The following UGGT2 variants were observed in gnomAD, a reference collection of about 807,000 sequenced individuals.
UGGT2 encodes UDP-glucose:glycoprotein glucosyltransferase 2.
Under a neutral mutation model 192.1 loss-of-function variants are expected in UGGT2, and 180 were observed. The observed-to-expected ratio is 0.94, with a 90% CI of 0.83 to 1.06. The LOEUF (loss-of-function observed/expected upper bound fraction) is 1.06, where lower values mean the gene tolerates loss of function less well. UGGT2 is among the 50% of genes least tolerant of loss of function. The pLI is 0.00. For missense variants in UGGT2, 1,849 were observed against 1,795.7 expected (o/e 1.03, Z -0.54); for synonymous variants, 580 against 591.0 (o/e 0.98, Z 0.27).
intron 37 of UGGT2, among the ~76,000 whole-genome samples, 193 bp downstream of exon 37, chr13:95,836,892 AT>A (rs1216682948): frequency 6.6e-6 from 1 of 152,254 alleles, no homozygotes; most frequent in African/African-American, 2.4e-5. Flanking sequence ...TTAGTGAATC[AT>A]CAAACCTCAG....
intron 32 of UGGT2, 27 bp from the exon 33 acceptor site, chr13:95,859,702 A>T (rs1311750485): frequency 6.6e-7 from 1 of 1,508,186 alleles, no homozygotes; most frequent in Admixed American, 1.9e-5. Flanking sequence ...TAAACCCAAT[A>T]TACATTAACA....
In UGGT2 at chr13:95,937,051, G is replaced by A. The variant is rs779606118; in HGVS notation, c.1850C>T (p.Pro617Leu). Reference sequence around the variant, plus strand: ...ACCATTATAAAGAGCTTGAGGCAAAGGACCCAGGCCAGTCATCTTATAAAA... The same window carrying A: ...ACCATTATAAAGAGCTTGAGGCAAAAGACCCAGGCCAGTCATCTTATAAAA... ...ASFYKMTGLG[P>L]LPQALYNGEP... Residue 617 changes from proline to leucine, a missense_variant, in exon 17 of 39, where the codon CCT (proline) becomes CTT (leucine). Coordinates refer to ENST00000376747, the MANE Select transcript of UGGT2 (RefSeq NM_020121.4). 6.2e-7 allele frequency: 1 copy of A among 1,603,000 alleles called. No individual in the cohort carries two copies. Among genetic ancestry groups the A allele is most frequent in the Non-Finnish European group, 8.5e-7 (1 of 1,177,682 alleles).
chr13:95,862,135 T>C (rs1448913734), intron 31 of UGGT2, among the ~76,000 whole-genome samples: 8 of 152,132 alleles, frequency 5.3e-5, no homozygotes, highest in Admixed American at 5.2e-4. Flanking sequence ...GTGGACTTGA[T>C]CCTTTCTCTA....
intron 4 of UGGT2, among the ~76,000 whole-genome samples, chr13:96,017,199 T>C (rs1268053114): frequency 1.3e-5 from 2 of 152,186 alleles, no homozygotes; most frequent in African/African-American, 4.8e-5. Flanking sequence ...ACTTAGGACA[T>C]TGGACTTGAT....
chr13:95,878,005 A>T, intron 27 of UGGT2, 149 bp from the exon 28 acceptor site: 2 of 790,874 alleles, frequency 2.5e-6, no homozygotes, highest in Non-Finnish European at 3.8e-6. Flanking sequence ...TGAATTCATG[A>T]GTTGAACTGA....
chr13:95,902,643 T>C (rs1349166085), intron 21 of UGGT2, among the ~76,000 whole-genome samples: 1 of 152,022 alleles, frequency 6.6e-6, no homozygotes. Flanking sequence ...AATCATGAAG[T>C]AGTTAATGAA....
At chr13:96,035,897 G>A (rs556281394) in intron 1 of UGGT2, among the ~76,000 whole-genome samples, 1 of 152,300 alleles carries the variant, frequency 6.6e-6, no homozygotes, top group African/African-American at 2.4e-5. Flanking sequence ...TTATTAAGAA[G>A]TCAAGAAACA....
At chr13:95,983,506 A>T (rs1050167660) in intron 10 of UGGT2, 1 of 468,200 alleles carries the variant, frequency 2.1e-6, no homozygotes, top group Non-Finnish European at 4.2e-6. Context: ...AAGCAAAACT[A>T]ATTACAAGAA....
chr13:95,979,274 C>T (rs971582917), intron 10 of UGGT2, among the ~76,000 whole-genome samples: 1 of 152,076 alleles, frequency 6.6e-6, no homozygotes, highest in Non-Finnish European at 1.5e-5. Flanking sequence ...GGAGTTAAAG[C>T]AGTTGTCTCC....
chr13:95,955,016 C>G (rs575550828), intron 12 of UGGT2, among the ~76,000 whole-genome samples: 2 of 152,288 alleles, frequency 1.3e-5, no homozygotes, highest in African/African-American at 4.8e-5. Flanking sequence ...CGATGTCTTA[C>G]AAGAAAGTAG....
intron 38 of UGGT2, among the ~76,000 whole-genome samples, chr13:95,829,521 C>A (rs566754485): frequency 6.6e-6 from 1 of 152,208 alleles, no homozygotes; most frequent in East Asian, 1.9e-4. Flanking sequence ...TCCTATACAC[C>A]ATTAACAGAC....
At chr13:95,959,241 A>C (rs2050310953) in intron 12 of UGGT2, among the ~76,000 whole-genome samples, 1 of 152,156 alleles carries the variant, frequency 6.6e-6, no homozygotes, top group African/African-American at 2.4e-5. Flanking sequence ...CATTTGCTGC[A>C]AACTGTGTGT....
At chr13:95,806,481 T>C (rs1884311374) in intron 38 of UGGT2, among the ~76,000 whole-genome samples, 1 of 152,166 alleles carries the variant, frequency 6.6e-6, no homozygotes, top group Non-Finnish European at 1.5e-5. Context: ...ACGGCAGTAC[T>C]ACTCAAAGTG....
At position 95,811,094 on chromosome 13, in the gene UGGT2, G is replaced by A. The variant is rs142393370; in HGVS notation, c.4529-9282C>T. On this transcript the variant is annotated intron_variant, in intron 38 of 38. Coordinates refer to ENST00000376747, the MANE Select transcript of UGGT2 (RefSeq NM_020121.4). ...CCACTATGATATTTTTAATCAAAAA[G>A]ACATAATAAGTATTGACAAGGATGT... 2.1e-3 allele frequency among the ~76,000 whole-genome samples: 325 copies of A among 152,206 alleles called. 4 individuals are homozygous for A. The highest frequency in any genetic ancestry group is 7.3e-3 in the African/African-American group (305 of 41,544).
rs147962778 is a variant in UGGT2 at position 95,951,063 on chromosome 13, C to G, written c.1336-1609G>C. 1.2e-3 allele frequency among the ~76,000 whole-genome samples: 177 copies of G among 152,192 alleles called. 1 individual carries two copies. The highest frequency in any genetic ancestry group is 4.1e-3 in the African/African-American group (171 of 41,526). On this transcript the variant is annotated intron_variant, in intron 12 of 38. Transcript: ENST00000376747. ...AATCCAGGTATGAGTTTATTGTGGA[C>G]TGAACTAAGTCAGAGGCAGTGGCTT... is the stretch of plus-strand genomic sequence containing the variant.
At chr13:95,991,461 T>C in intron 7 of UGGT2, 1 of 454,848 alleles carries the variant, frequency 2.2e-6, no homozygotes, top group Non-Finnish European at 4.4e-6. Context: ...TTTTCAATAG[T>C]CAATAGACAA....
chr13:95,999,187 C>A, intron 6 of UGGT2, 24 bp downstream of exon 6: 1 of 1,584,756 alleles, frequency 6.3e-7, no homozygotes, highest in South Asian at 1.1e-5. Context: ...TCATTCTACT[C>A]AAGTACTGAG....
At chr13:95,956,007 A>G (rs969110595) in intron 12 of UGGT2, among the ~76,000 whole-genome samples, 6 of 152,208 alleles carry the variant, frequency 3.9e-5, no homozygotes, top group African/African-American at 1.4e-4. Flanking sequence ...AATGCTGAAC[A>G]TAGTATCTGG....
chr13:95,913,146 C>A (rs1353137971), intron 20 of UGGT2, among the ~76,000 whole-genome samples: 2 of 152,152 alleles, frequency 1.3e-5, no homozygotes, highest in Admixed American at 1.3e-4. Context: ...TAGAAGAAAA[C>A]CTAGGCAATA....
Sources: gnomAD v4.1 joint callset for allele counts (sites outside exome capture counted in the v4.1 genomes callset) on GRCh38, gnomAD v4.1.1 for gene constraint, MANE v1.5 for transcripts, NCBI Gene and HGNC (gene_info 2026-07-23, HGNC 2026-07-21) for gene names.